Variants in DBNDD2 observed in about 807,000 individuals in gnomAD.
DBNDD2 encodes the protein dysbindin domain-containing protein 2.
A neutral mutation model predicts 14.0 loss-of-function variants in DBNDD2; 8 were observed. The ratio of observed to expected loss-of-function variants is 0.57; its 90% confidence interval spans 0.33 to 1.03. The LOEUF (loss-of-function observed/expected upper bound fraction) is 1.03, where lower values mean the gene tolerates loss of function less well. Among genes scored for constraint, DBNDD2 ranks in the 50% least tolerant of loss-of-function variants. DBNDD2 has a pLI of 0.03. For missense variants in DBNDD2, 194 were observed against 206.0 expected (o/e 0.94, Z 0.36); for synonymous variants, 94 against 85.3 (o/e 1.10, Z -0.56).
chr20:45,406,824 C>A, upstream of DBNDD2: 1 of 1,217,728 alleles, frequency 8.2e-7, no homozygotes, highest in African/African-American at 1.6e-5. Context: ...GAGCGCCCTC[C>A]CCCCGTCCTC....
chr20:45,406,377 G>T, upstream of DBNDD2: 1 of 1,375,314 alleles, frequency 7.3e-7, no homozygotes. Context: ...GTGCATCCGA[G>T]CGAGCGGAGA....
At chr20:45,408,658 C>T (rs1249995093) in intron 1 of DBNDD2, 52 bp downstream of exon 1, 1 of 1,593,226 alleles carries the variant, frequency 6.3e-7, no homozygotes, top group East Asian at 2.2e-5. Flanking sequence ...GGAGGATGTC[C>T]TGTGGGTCCT....
At chr20:45,406,436 G>A, upstream of DBNDD2, 1 of 1,523,540 alleles carries the variant, frequency 6.6e-7, no homozygotes, top group Non-Finnish European at 8.8e-7. Context: ...AGTCCGGCTG[G>A]GCGGAGGGAG....
rs985633607 is a variant in DBNDD2, at chr20:45,408,399, G to C, written c.-69G>C. 1.2e-6 allele frequency: 2 copies of C among 1,613,804 alleles called. No homozygotes were observed. The highest frequency in any genetic ancestry group is 1.3e-5 in the African/African-American group (1 of 74,942). ...GCTGCAGTGGGGCGCCCCAAGCCCA[G>C]GTCCCCTCTGTCTTCTCTTTCGACT... On this transcript the variant is annotated 5_prime_UTR_variant, in exon 1 of 3. Transcript: ENST00000372710.
chr20:45,407,912 G>A, upstream of DBNDD2: 2 of 1,328,644 alleles, frequency 1.5e-6, no homozygotes, highest in Non-Finnish European at 1.9e-6. Context: ...ACATGCGTGT[G>A]TACGTGTTTG....
upstream of DBNDD2, chr20:45,406,462 G>A (rs1989386103): frequency 2.0e-6 from 3 of 1,526,502 alleles, no homozygotes; most frequent in East Asian, 2.8e-5. Context: ...ATGGGTGCGG[G>A]TAACTTTTTG....
chr20:45,409,855 G>A (rs2145422484), intron 2 of DBNDD2, 77 bp from the exon 3 acceptor site: 5 of 1,466,896 alleles, frequency 3.4e-6, no homozygotes, highest in Middle Eastern at 1.8e-4. Flanking sequence ...GTGGACTTTA[G>A]TTACTCCTGG....
At position 45,410,448 on chromosome 20, in the gene DBNDD2, C is replaced by T. The variant is rs868731082; in HGVS notation, c.*308C>T. On this transcript the variant is annotated 3_prime_UTR_variant, in exon 3 of 3. Transcript: ENST00000372710. The stretch of plus-strand genomic sequence containing the variant: ...CTTAGCACTCTTCCCTCCCCTAAAC[C>T]ATCCCGTAGTCTTCTAATACAGTCT... 5.8e-5 allele frequency: 23 copies of T among 393,598 alleles called. No homozygotes were observed. Among genetic ancestry groups the T allele is most frequent in the South Asian group, 5.6e-4 (23 of 41,048 alleles). 24.4% of individuals were successfully genotyped at this position (393,598 alleles called of 1,614,324 possible).
At chr20:45,409,003 C>G in intron 2 of DBNDD2, 65 bp downstream of exon 2, 1 of 1,613,838 alleles carries the variant, frequency 6.2e-7, no homozygotes, top group Non-Finnish European at 8.5e-7. Context: ...GGCTCTGAAA[C>G]GAGGCTACAA....
chr20:45,406,865 T>C (rs1989442086), upstream of DBNDD2: 8 of 1,158,954 alleles, frequency 6.9e-6, no homozygotes, highest in Non-Finnish European at 8.6e-6. Context: ...TTTTAGGGAA[T>C]TTTTTCCCTC....
chr20:45,407,916 G>A, upstream of DBNDD2: 1 of 1,317,412 alleles, frequency 7.6e-7, no homozygotes, highest in Non-Finnish European at 9.6e-7. Flanking sequence ...GCGTGTGTAC[G>A]TGTTTGTGTG....
chr20:45,409,144 C>A, intron 2 of DBNDD2: 2 of 806,530 alleles, frequency 2.5e-6, no homozygotes, highest in Non-Finnish European at 3.8e-6. Context: ...ATCCAAAATT[C>A]TGGGAACGGT....
upstream of DBNDD2, chr20:45,407,121 C>A (rs954395565): frequency 3.8e-5 from 7 of 184,338 alleles, no homozygotes; most frequent in Non-Finnish European, 7.2e-5. Flanking sequence ...TCCCAGAGCC[C>A]CTGGCCCCCG....
chr20:45,409,784 A>T (rs1359502605), intron 2 of DBNDD2, 148 bp from the exon 3 acceptor site: 4 of 752,482 alleles, frequency 5.3e-6, no homozygotes, highest in Admixed American at 5.1e-5. Flanking sequence ...GGAGATGGTG[A>T]TCTTAATCCT....
chr20:45,406,567 A>C (rs1989401740), upstream of DBNDD2: 2 of 1,473,370 alleles, frequency 1.4e-6, no homozygotes, highest in Admixed American at 2.3e-5. Flanking sequence ...CCCCTCCCCC[A>C]CTTCCGCCTC....
Position 45,408,303 on chromosome 20 carries a change from G to A in DBNDD2, c.-165G>A. On this transcript the variant is annotated 5_prime_UTR_variant, in exon 1 of 3. Transcript: ENST00000372710. ...GTTTGTGGGACACACTTGGTTTCAG[G>A]GAAGGGGAAAGAGGTCACCAAGGGC... 1 of 1,570,504 alleles carries A rather than the reference G, an allele frequency of 6.4e-7. No individual in the cohort carries two copies. Among genetic ancestry groups the A allele is most frequent in the Middle Eastern group, 1.7e-4 (1 of 6,008 alleles).
chr20:45,406,480 T>G (rs928398906), upstream of DBNDD2: 8 of 1,528,124 alleles, frequency 5.2e-6, no homozygotes, highest in Non-Finnish European at 7.0e-6. Context: ...TTGACCGCCT[T>G]GGAAGTACCA....
At chr20:45,408,737 G>A in intron 1 of DBNDD2, 64 bp from the exon 2 acceptor site, 2 of 1,584,156 alleles carry the variant, frequency 1.3e-6, no homozygotes, top group Non-Finnish European at 1.7e-6. Context: ...GACCTGACAT[G>A]TAACTCTCAC....
upstream of DBNDD2, chr20:45,406,320 C>G: frequency 2.5e-6 from 2 of 795,790 alleles, no homozygotes; most frequent in South Asian, 4.0e-5. Flanking sequence ...TGGGCAGAAC[C>G]GGCGCGGGCG....
Sources: allele counts gnomAD v4.1 joint callset, GRCh38; gene constraint gnomAD v4.1.1; transcripts MANE v1.5; gene names NCBI Gene and HGNC (gene_info 2026-07-23, HGNC 2026-07-21).